NEBL: variants seen among roughly 807,000 people sequenced by gnomAD.
The protein encoded by NEBL is nebulette.
Under a neutral mutation model 140.2 loss-of-function variants are expected in NEBL, and 122 were observed. That is an observed-to-expected ratio of 0.87 (90% CI 0.75 to 1.01). NEBL has a LOEUF of 1.01. NEBL is among the 50% of genes least tolerant of loss of function. The pLI, the probability that NEBL is intolerant of heterozygous loss-of-function variation, is 0.00. For synonymous variants in NEBL, 436 were observed against 398.9 expected (o/e 1.09, Z -1.11); for missense variants, 1,365 against 1,231.3 (o/e 1.11, Z -1.62).
rs568979889 is a variant in NEBL at position 21,211,337 on chromosome 10, TG to T, written n.348+36583del. Among the ~76,000 whole-genome samples, 29 of 152,074 alleles carry T rather than the reference TG, an allele frequency of 1.9e-4. No individual in the cohort carries two copies. In the East Asian group the frequency reaches 5.4e-3, roughly 28 times the overall value. On this transcript the variant is annotated intron_variant and non_coding_transcript_variant, in intron 3 of 8. Transcript: ENST00000675702. ...CTACAAAAAAATAAGAAAAATTAGC[TG>T]GGTGTGGTGGTGCACACCTGTAGTC...
At chr10:21,218,422 AT>A (rs1203619152) in intron 3 of NEBL, 1 of 152,176 alleles carries the variant, frequency 6.6e-6, no homozygotes, top group Non-Finnish European at 1.5e-5. Flanking sequence ...ATGCAATGAT[AT>A]TTGAAGACTC....
At chr10:21,190,600 T>TTCACTAC (rs1841556119) in intron 3 of NEBL, among the ~76,000 whole-genome samples, 2 of 152,200 alleles carry the variant, frequency 1.3e-5, no homozygotes, top group African/African-American at 4.8e-5. Flanking sequence ...TACTTGTTGA[T>TTCACTAC]TATTAGAAGT....
At chr10:20,802,236 G>A (rs76605508) in intron 26 of NEBL, among the ~76,000 whole-genome samples, 74 of 152,276 alleles carry the variant, frequency 4.9e-4, no homozygotes, top group African/African-American at 1.7e-3. Flanking sequence ...TGCAGGCAAT[G>A]AACTAGAGGC....
At chr10:21,237,032 G>A (rs72800010) in intron 3 of NEBL, among the ~76,000 whole-genome samples, 6,283 of 152,228 alleles carry the variant, frequency 0.041, 196 homozygotes, top group South Asian at 0.14. Flanking sequence ...TGACACCTAA[G>A]CCCAAATGCT....
Position 20,812,867 on chromosome 10 carries a change from T to G in NEBL, c.2420A>C (p.Glu807Ala). Residue 807 changes from glutamate to alanine, a missense_variant, in exon 24 of 28, where the codon GAG (glutamate) becomes GCG (alanine). By Grantham distance (107) the Glu-to-Ala change is moderately radical (BLOSUM62 -1). Coordinates refer to ENST00000377122, the MANE Select transcript of NEBL (RefSeq NM_006393.3). ...CACCTGGGTGTTCTTCCTCACTCTC[T>G]CTGTCACAGGATCGTCCACGACGGG... Reference protein sequence around the residue: ...FTPVVDDPVTERVRKNTQVVS... With the variant: ...FTPVVDDPVTARVRKNTQVVS... 6.2e-7 allele frequency: 1 copy of G among 1,614,066 alleles called. No individual in the cohort carries two copies. The highest frequency in any genetic ancestry group is 8.5e-7 in the Non-Finnish European group (1 of 1,179,934).
chr10:21,097,220 G>A (rs942253918), intron 2 of NEBL, among the ~76,000 whole-genome samples: 4 of 35,478 alleles, frequency 1.1e-4, no homozygotes, highest in Non-Finnish European at 1.9e-4. Flanking sequence ...TGGGAGGTCC[G>A]GGGGGGGGGT....
At chr10:21,230,643 C>T (rs1019266734) in intron 3 of NEBL, among the ~76,000 whole-genome samples, 33 of 146,354 alleles carry the variant, frequency 2.3e-4, no homozygotes, top group African/African-American at 7.6e-4. Flanking sequence ...CTCGCTCTGT[C>T]GCCCAGGCTG....
rs1839034856 is a variant in NEBL at position 20,819,240 on chromosome 10, C to T, written c.2055+184G>A. On this transcript the variant is annotated intron_variant, in intron 20 of 27. Coordinates refer to ENST00000377122, the MANE Select transcript of NEBL (RefSeq NM_006393.3). ...CCCATCCTCTCCCGTCCAACAGGCT[C>T]CGGTGTCTGTTATTCCCCTCTATGT... 4 of 1,056,254 alleles carry T rather than the reference C, an allele frequency of 3.8e-6. No individual in the cohort carries two copies. In the Admixed American group the frequency reaches 9.6e-5, roughly 25 times the overall value. 65.4% of individuals were successfully genotyped at this position (1,056,254 alleles called of 1,614,324 possible). A position where few individuals can be genotyped will look rare whatever the true frequency, so the allele number is the denominator to read the frequency against.
intron 4 of NEBL, among the ~76,000 whole-genome samples, chr10:20,954,746 A>G (rs1835699524): frequency 6.6e-6 from 1 of 152,146 alleles, no homozygotes; most frequent in Non-Finnish European, 1.5e-5. Context: ...AAACAGCACA[A>G]ACTTCCCAAG....
chr10:21,034,632 G>A (rs1271267125), intron 2 of NEBL, among the ~76,000 whole-genome samples: 1 of 152,190 alleles, frequency 6.6e-6, no homozygotes, highest in African/African-American at 2.4e-5. Flanking sequence ...CTCCACTATG[G>A]AGTTAAAGAA....
At chr10:21,036,420 C>T (rs1055819655) in intron 2 of NEBL, among the ~76,000 whole-genome samples, 3 of 152,006 alleles carry the variant, frequency 2.0e-5, no homozygotes, top group African/African-American at 7.2e-5. Context: ...CACCTCTGCA[C>T]TCCAGTCTGG....
chr10:20,842,366 A>G (rs1841479283), intron 12 of NEBL, among the ~76,000 whole-genome samples: 1 of 152,206 alleles, frequency 6.6e-6, no homozygotes, highest in South Asian at 2.1e-4. Context: ...TACTTGTTCT[A>G]GTAATGTCAA....
intron 4 of NEBL, among the ~76,000 whole-genome samples, chr10:20,913,605 C>T (rs918628605): frequency 2.0e-5 from 3 of 152,040 alleles, no homozygotes; most frequent in Admixed American, 1.3e-4. Flanking sequence ...ACCAAGTGTA[C>T]GAAATATCGT....
At chr10:20,956,627 T>C (rs1455496310) in intron 4 of NEBL, among the ~76,000 whole-genome samples, 1 of 152,240 alleles carries the variant, frequency 6.6e-6, no homozygotes, top group Non-Finnish European at 1.5e-5. Context: ...AACTGCTTAG[T>C]GTACTAGATT....
chr10:21,021,788 T>A (rs545693886), intron 2 of NEBL, among the ~76,000 whole-genome samples: 1 of 152,332 alleles, frequency 6.6e-6, no homozygotes, highest in African/African-American at 2.4e-5. Context: ...AATAGTGGGC[T>A]GTCTTGTGCC....
Position 21,193,394 on chromosome 10 carries a change from G to A in NEBL, n.349-20917C>T, listed in dbSNP as rs1305663689. 3.9e-5 allele frequency among the ~76,000 whole-genome samples: 6 copies of A among 152,298 alleles called. No homozygotes were observed. The East Asian group carries it at 7.7e-4, about 20-fold the overall frequency. ...TGGTCGGAAACCAGCAGGGGTGCAGGAGTGATGAGTTGGGGAAGCTTCAAA... is the reference window on the plus strand; with the variant it reads ...TGGTCGGAAACCAGCAGGGGTGCAGAAGTGATGAGTTGGGGAAGCTTCAAA... On this transcript the variant is annotated intron_variant and non_coding_transcript_variant, in intron 3 of 8. Transcript: ENST00000675702.
chr10:20,831,038 G>C, intron 16 of NEBL, 158 bp downstream of exon 16: 1 of 625,214 alleles, frequency 1.6e-6, no homozygotes, highest in Admixed American at 2.2e-5. Flanking sequence ...CTATTAATTA[G>C]TACGGTTAAT....
At chr10:20,893,479 GTA>G (rs1252149482) in intron 2 of NEBL, among the ~76,000 whole-genome samples, 2 of 152,172 alleles carry the variant, frequency 1.3e-5, no homozygotes, top group Non-Finnish European at 2.9e-5. Context: ...CATAATGTGG[GTA>G]GAGCAAGTGC....
At chr10:20,901,765 G>A (rs1264369227), upstream of NEBL, among the ~76,000 whole-genome samples, 1 of 152,058 alleles carries the variant, frequency 6.6e-6, no homozygotes, top group African/African-American at 2.4e-5. Flanking sequence ...TTTGATGACC[G>A]TCTTCCGGAA....
Sources: gnomAD v4.1 joint callset for allele counts (sites outside exome capture counted in the v4.1 genomes callset) on GRCh38, gnomAD v4.1.1 for gene constraint, MANE v1.5 for transcripts, NCBI Gene and HGNC (gene_info 2026-07-23, HGNC 2026-07-21) for gene names.